The following KCNT2 variants were observed in gnomAD, a reference collection of about 807,000 sequenced individuals.
KCNT2 encodes potassium channel subfamily T member 2.
Under a neutral mutation model 153.8 loss-of-function variants are expected in KCNT2, and 67 were observed. That is an observed-to-expected ratio of 0.44 (90% CI 0.36 to 0.53). KCNT2 has a LOEUF of 0.53. Ranked by LOEUF, KCNT2 falls within the 20% of genes least tolerant of loss-of-function variation. KCNT2 has a pLI of 0.00. For synonymous variants in KCNT2, 500 were observed against 458.8 expected, an observed-to-expected ratio of 1.09 and a Z score of -1.15; for missense variants, 975 against 1,354.8, an observed-to-expected ratio of 0.72 and a Z score of 4.40.
At chr1:196,400,054 G>A (rs1183665309) in intron 12 of KCNT2, among the ~76,000 whole-genome samples, 1 of 151,812 alleles carries the variant, frequency 6.6e-6, no homozygotes, top group Non-Finnish European at 1.5e-5. Context: ...CAAGAAAGTT[G>A]ATGAATAGTA....
Position 196,390,749 on chromosome 1 carries a change from A to G in KCNT2, c.1294+7814T>C, listed in dbSNP as rs145398623. Reference sequence around the variant, plus strand: ...ATCACATGTACACACATGGATGCATACACATGTATTTGTGTATGTGTATGT... The same window carrying G: ...ATCACATGTACACACATGGATGCATGCACATGTATTTGTGTATGTGTATGT... On this transcript the variant is annotated intron_variant, in intron 13 of 27. Transcript: ENST00000294725. Among the ~76,000 whole-genome samples the G allele has an allele frequency of 9.0e-4, 136 of 151,512 alleles. 1 individual carries two copies. Among genetic ancestry groups the G allele is most frequent in the African/African-American group, 3.2e-3 (133 of 41,464 alleles).
At chr1:196,559,503 A>G (rs1319851524) in intron 1 of KCNT2, among the ~76,000 whole-genome samples, 1 of 151,732 alleles carries the variant, frequency 6.6e-6, no homozygotes, top group Non-Finnish European at 1.5e-5. Context: ...ACTTGGTCAA[A>G]GAGTAGAACA....
intron 20 of KCNT2, among the ~76,000 whole-genome samples, chr1:196,318,804 T>C (rs867649201): frequency 1.6e-4 from 25 of 151,914 alleles, no homozygotes; most frequent in African/African-American, 6.0e-4. Context: ...AAAATGTAAG[T>C]GTTAAAGTTC....
At chr1:196,272,158 A>C (rs1238090072) in intron 25 of KCNT2, among the ~76,000 whole-genome samples, 5 of 151,988 alleles carry the variant, frequency 3.3e-5, no homozygotes, top group Non-Finnish European at 7.4e-5. Context: ...CCCAGTGCTA[A>C]TTGGTCAGGC....
At chr1:196,485,838 C>T (rs1289676909) in intron 3 of KCNT2, among the ~76,000 whole-genome samples, 2 of 151,748 alleles carry the variant, frequency 1.3e-5, no homozygotes, top group East Asian at 3.9e-4. Context: ...ATCTAATCTG[C>T]ACATTCGTAG....
At chr1:196,325,451 A>G (rs1663750173) in intron 19 of KCNT2, among the ~76,000 whole-genome samples, 1 of 152,144 alleles carries the variant, frequency 6.6e-6, no homozygotes, top group African/African-American at 2.4e-5. Context: ...GAACTCACAC[A>G]GTTAGGCATC....
intron 8 of KCNT2, among the ~76,000 whole-genome samples, chr1:196,430,825 A>C (rs1044807512): frequency 2.0e-5 from 3 of 152,126 alleles, no homozygotes; most frequent in Non-Finnish European, 4.4e-5. Context: ...TGAATAATAA[A>C]ATGTGTTTTG....
intron 25 of KCNT2, chr1:196,273,534 A>G: frequency 7.0e-7 from 1 of 1,435,516 alleles, no homozygotes; most frequent in Non-Finnish European, 9.5e-7. Context: ...CACAGTTTAA[A>G]CAATGACTAA....
intron 1 of KCNT2, among the ~76,000 whole-genome samples, chr1:196,494,504 ATTC>A (rs1401178310): frequency 1.3e-5 from 2 of 151,976 alleles, no homozygotes; most frequent in Admixed American, 6.6e-5. Flanking sequence ...GGTTCACGCC[ATTC>A]TTCTCCTCAG....
intron 1 of KCNT2, among the ~76,000 whole-genome samples, chr1:196,550,756 C>G (rs1657782611): frequency 6.6e-6 from 1 of 151,726 alleles, no homozygotes. Context: ...ACCTCTGTTT[C>G]CACCAGGCAG....
intron 14 of KCNT2, among the ~76,000 whole-genome samples, chr1:196,348,627 G>C (rs1166096236): frequency 6.6e-6 from 1 of 152,058 alleles, no homozygotes; most frequent in Non-Finnish European, 1.5e-5. Context: ...TACTTTTAAT[G>C]ATCTCGGATT....
chr1:196,385,155 T>C (rs1572252146), intron 13 of KCNT2, among the ~76,000 whole-genome samples: 2 of 152,192 alleles, frequency 1.3e-5, no homozygotes, highest in East Asian at 1.9e-4. Context: ...CTACTCTGAA[T>C]TGTCCTTCTT....
intron 26 of KCNT2, among the ~76,000 whole-genome samples, chr1:196,245,145 G>A (rs1655321085): frequency 6.6e-6 from 1 of 152,088 alleles, no homozygotes; most frequent in African/African-American, 2.4e-5. Flanking sequence ...ACAGGGCTTG[G>A]GGTGCACCGT....
intron 26 of KCNT2, among the ~76,000 whole-genome samples, chr1:196,247,714 C>T (rs1226962993): frequency 6.6e-6 from 1 of 152,102 alleles, no homozygotes; most frequent in Non-Finnish European, 1.5e-5. Context: ...GTAACCACCC[C>T]ATGATTCAAT....
chr1:196,530,891 G>C (rs1429852982), intron 1 of KCNT2, among the ~76,000 whole-genome samples: 1 of 152,032 alleles, frequency 6.6e-6, no homozygotes, highest in African/African-American at 2.4e-5. Context: ...ATAGGCCATA[G>C]TGGGAATCAC....
chr1:196,254,127 A>G (rs1656247716), intron 26 of KCNT2, among the ~76,000 whole-genome samples: 1 of 151,394 alleles, frequency 6.6e-6, no homozygotes, highest in Non-Finnish European at 1.5e-5. Context: ...TAACTCATCA[A>G]TTACCCTTTT....
chr1:196,360,276 G>GT lies in KCNT2; in HGVS notation c.1403+12863dup, dbSNP rs990454950. Among the ~76,000 whole-genome samples, 175 of 151,330 alleles carry GT rather than the reference G, an allele frequency of 1.2e-3. 2 individuals are homozygous for GT. Among genetic ancestry groups the GT allele is most frequent in the Middle Eastern group, 6.8e-3 (2 of 294 alleles). ...ACTCAGATCTCCAGCCTTGTAGTAG[G>GT]TTTTTTTTTGTTCTTGTTTGTTTGT... On this transcript the variant is annotated intron_variant, in intron 14 of 27. Transcript: ENST00000294725.
chr1:196,463,151 C>T (rs1363182076), intron 8 of KCNT2, among the ~76,000 whole-genome samples: 4 of 151,734 alleles, frequency 2.6e-5, no homozygotes, highest in Non-Finnish European at 5.9e-5. Flanking sequence ...ACTACCTAGA[C>T]ATTTCTATTT....
At chr1:196,347,238 T>C (rs1375784718) in intron 14 of KCNT2, among the ~76,000 whole-genome samples, 2 of 152,308 alleles carry the variant, frequency 1.3e-5, no homozygotes, top group African/African-American at 4.8e-5. Flanking sequence ...TATAGATCTA[T>C]CTAAAAATCA....
Sources: allele counts gnomAD v4.1 joint callset (sites outside exome capture counted in the v4.1 genomes callset), GRCh38; gene constraint gnomAD v4.1.1; transcripts MANE v1.5; gene names NCBI Gene and HGNC (gene_info 2026-07-23, HGNC 2026-07-21).